Variants in FAM168A observed in about 807,000 individuals in gnomAD.
The protein encoded by FAM168A is protein FAM168A.
FAM168A carries 3 observed loss-of-function variants against 28.5 expected under a neutral mutation model. The ratio of observed to expected loss-of-function variants is 0.11; its 90% CI spans 0.05 to 0.27. The LOEUF is 0.27. FAM168A is among the 10% of genes least tolerant of loss of function. The pLI is 1.00. For synonymous variants in FAM168A, 122 were observed against 124.2 expected (o/e 0.98, Z 0.12); for missense variants, 222 against 311.5 (o/e 0.71, Z 2.16).
chr11:73,531,149 T>C (rs767201468), intron 1 of FAM168A, among the ~76,000 whole-genome samples: 3 of 152,158 alleles, frequency 2.0e-5, no homozygotes, highest in Non-Finnish European at 4.4e-5. Context: ...GAAGGCTTCC[T>C]AGAGAGTCTC....
At chr11:73,411,257 A>T in intron 5 of FAM168A, 137 bp downstream of exon 5, 2 of 939,186 alleles carry the variant, frequency 2.1e-6, no homozygotes, top group Non-Finnish European at 3.2e-6. Context: ...ATATTGCTTC[A>T]GTGATACAAC....
chr11:73,544,853 A>T (rs1943710888), intron 1 of FAM168A, among the ~76,000 whole-genome samples: 5 of 90,628 alleles, frequency 5.5e-5, no homozygotes, highest in African/African-American at 3.7e-4. Flanking sequence ...TTAAATATAT[A>T]ATATATAATA....
chr11:73,464,024 C>CTGAG (rs1213836754), intron 2 of FAM168A, among the ~76,000 whole-genome samples: 1 of 152,122 alleles, frequency 6.6e-6, no homozygotes, highest in Non-Finnish European at 1.5e-5. Flanking sequence ...CCAGGCTCAT[C>CTGAG]TGAGATCCTA....
Position 73,402,065 on chromosome 11 carries a change from C to G in FAM168A, c.*4698G>C, listed in dbSNP as rs1316554750. The G allele has an allele frequency of 6.6e-6, 1 of 152,268 alleles. No homozygotes were observed. Among genetic ancestry groups the G allele is most frequent in the Non-Finnish European group, 1.5e-5 (1 of 68,068 alleles). The allele number at this position is 152,268 out of a possible 1,614,324, so 9.4% of individuals were successfully genotyped here. Reference sequence around the variant, plus strand: ...GTTAGTCTGGCGTGTTTCTTCAGCTCTGCGGGTGGGTCCCAACTGGCCCAC... The same window carrying G: ...GTTAGTCTGGCGTGTTTCTTCAGCTGTGCGGGTGGGTCCCAACTGGCCCAC... On this transcript the variant is annotated 3_prime_UTR_variant, in exon 8 of 8. Transcript: ENST00000356467.
At chr11:73,535,712 C>T (rs564725850) in intron 1 of FAM168A, among the ~76,000 whole-genome samples, 1 of 139,988 alleles carries the variant, frequency 7.1e-6, no homozygotes, top group Non-Finnish European at 1.5e-5. Flanking sequence ...AGCCACCGCA[C>T]CTCACCCTTC....
At chr11:73,416,060 G>C (rs1866689048) in intron 4 of FAM168A, among the ~76,000 whole-genome samples, 1 of 152,140 alleles carries the variant, frequency 6.6e-6, no homozygotes, top group Admixed American at 6.5e-5. Flanking sequence ...CCAATCTTGG[G>C]CATTTAATAT....
rs570133889 is a variant in FAM168A, at chr11:73,420,604, C to T, written c.152-605G>A. The stretch of plus-strand genomic sequence containing the variant: ...CACTCCTTGCTAATAACTCCTTCTC[C>T]TGTACACCCAGCTGAGGCCAGACAG... On this transcript the variant is annotated intron_variant, in intron 3 of 7. Transcript: ENST00000356467. 7.9e-5 allele frequency among the ~76,000 whole-genome samples: 12 copies of T among 152,370 alleles called. No homozygotes were observed. The South Asian group carries it at 2.3e-3, about 29-fold the overall frequency.
intron 1 of FAM168A, among the ~76,000 whole-genome samples, chr11:73,471,771 A>T (rs565905858): frequency 1.3e-5 from 2 of 152,344 alleles, no homozygotes; most frequent in East Asian, 3.9e-4. Flanking sequence ...AACAAGAACA[A>T]CAAAAATTTC....
chr11:73,458,635 T>A (rs1867583629), intron 2 of FAM168A, among the ~76,000 whole-genome samples: 1 of 152,052 alleles, frequency 6.6e-6, no homozygotes, highest in Admixed American at 6.6e-5. Flanking sequence ...TGATATGGAG[T>A]CTCGTTGCAC....
intron 2 of FAM168A, among the ~76,000 whole-genome samples, chr11:73,448,345 C>T (rs764508501): frequency 6.6e-6 from 1 of 152,144 alleles, no homozygotes; most frequent in South Asian, 2.1e-4. Context: ...CACGCCCAGC[C>T]CCATGTATCA....
At chr11:73,420,090 G>T in intron 3 of FAM168A, 91 bp from the exon 4 acceptor site, 1 of 1,508,214 alleles carries the variant, frequency 6.6e-7, no homozygotes, top group Non-Finnish European at 9.0e-7. Context: ...GTGCTGGACA[G>T]AAACATACAA....
At chr11:73,476,695 A>G (rs1217442389) in intron 1 of FAM168A, among the ~76,000 whole-genome samples, 1 of 152,196 alleles carries the variant, frequency 6.6e-6, no homozygotes, top group Non-Finnish European at 1.5e-5. Context: ...AAAACTAAAG[A>G]AAACCACACT....
chr11:73,507,703 G>A (rs138994272), intron 1 of FAM168A, among the ~76,000 whole-genome samples: 2 of 152,274 alleles, frequency 1.3e-5, no homozygotes, highest in African/African-American at 2.4e-5. Context: ...ATTTGTAAAT[G>A]AACGTGCAAT....
chr11:73,428,304 C>A (rs1188577580), intron 3 of FAM168A, among the ~76,000 whole-genome samples: 2 of 152,202 alleles, frequency 1.3e-5, no homozygotes, highest in African/African-American at 4.8e-5. Flanking sequence ...CCTGAGAAAA[C>A]CTTCCTTCAA....
At chr11:73,536,105 CAA>C (rs981423216) in intron 1 of FAM168A, among the ~76,000 whole-genome samples, 3 of 152,110 alleles carry the variant, frequency 2.0e-5, no homozygotes, top group Non-Finnish European at 4.4e-5. Context: ...TTCAGCTTCC[CAA>C]AGTGTTAGGA....
At chr11:73,508,503 T>C (rs1033189498) in intron 1 of FAM168A, among the ~76,000 whole-genome samples, 2 of 152,220 alleles carry the variant, frequency 1.3e-5, no homozygotes, top group South Asian at 2.1e-4. Context: ...CGGAACAAAA[T>C]TGCTACGTCT....
At chr11:73,409,455 GGGAT>G in intron 6 of FAM168A, 28 bp downstream of exon 6, 6 of 1,611,244 alleles carry the variant, frequency 3.7e-6, no homozygotes, top group Non-Finnish European at 5.1e-6. Flanking sequence ...CTAGAGGAAA[GGGAT>G]GGACACTGAT....
chr11:73,582,435 T>C lies in FAM168A; in HGVS notation c.-19+15488A>G, dbSNP rs113715000. On this transcript the variant is annotated intron_variant, in intron 1 of 7. Coordinates refer to ENST00000356467, the MANE Select transcript of FAM168A (RefSeq NM_015159.3). ...CTACTCGGGAGGCTGAGGCAGGAGA[T>C]TGGCATGAACCCAGGAGGCGGAGCT... Among the ~76,000 whole-genome samples, 787 of 151,476 alleles carry C rather than the reference T, an allele frequency of 5.2e-3. 24 individuals are homozygous for C. Among genetic ancestry groups the C allele is most frequent in the Non-Finnish European group, 1.5e-3 (100 of 67,770 alleles).
At chr11:73,596,841 C>T (rs1403319372) in intron 1 of FAM168A, among the ~76,000 whole-genome samples, 1 of 152,112 alleles carries the variant, frequency 6.6e-6, no homozygotes, top group African/African-American at 2.4e-5. Context: ...GCCACCTCAC[C>T]ATCAGCAACC....
Sources: allele counts gnomAD v4.1 joint callset (sites outside exome capture counted in the v4.1 genomes callset), GRCh38; gene constraint gnomAD v4.1.1; transcripts MANE v1.5; gene names NCBI Gene and HGNC (gene_info 2026-07-23, HGNC 2026-07-21).